The following ZNF208 variants were observed in gnomAD, a reference collection of about 807,000 sequenced individuals.
ZNF208 encodes the protein zinc finger protein 208.
A neutral mutation model predicts 12.1 loss-of-function variants in ZNF208; 10 were observed. The observed-to-expected ratio is 0.83, with a 90% CI of 0.51 to 1.40. The LOEUF (loss-of-function observed/expected upper bound fraction) is 1.40. Among genes scored for constraint, ZNF208 ranks in the 40% most tolerant of loss-of-function variants. The pLI, the probability that ZNF208 is intolerant of heterozygous loss-of-function variation, is 0.00. For missense variants in ZNF208, 1,652 were observed against 1,485.0 expected (o/e 1.11, Z -1.85); for synonymous variants, 497 against 488.4 (o/e 1.02, Z -0.23).
Position 21,971,212 on chromosome 19 carries a change from A to G in ZNF208, c.3822T>C (p.Ile1274=). The change falls in exon 4 of 4, where the codon ATT becomes ATC. Residue 1274 remains isoleucine, a synonymous_variant. Coordinates refer to ENST00000397126, the MANE Select transcript of ZNF208 (RefSeq NM_007153.3). The part of the protein sequence containing the change: ...WLSVFSKHKK[I]HTGEKL ...ATTTCTAGAGTTTCTCTCCAGTATG[A>G]ATTTTCTTATGTTTACTGAAGACTG... is the stretch of plus-strand genomic sequence containing the variant. 1 of 1,611,462 alleles carries G rather than the reference A, an allele frequency of 6.2e-7. No homozygotes were observed. Among genetic ancestry groups the G allele is most frequent in the Non-Finnish European group, 8.5e-7 (1 of 1,179,572 alleles).
chr19:21,988,460 C>T (rs1970664408), intron 2 of ZNF208, among the ~76,000 whole-genome samples: 1 of 152,012 alleles, frequency 6.6e-6, no homozygotes, highest in Non-Finnish European at 1.5e-5. Context: ...CTCCCTGGTG[C>T]CATGCTCCTT....
intron 3 of ZNF208, among the ~76,000 whole-genome samples, chr19:21,981,361 A>C (rs1001428221): frequency 4.6e-5 from 7 of 152,162 alleles, no homozygotes; most frequent in African/African-American, 1.7e-4. Context: ...CTTATCCACC[A>C]AGATCAAGTC....
intron 2 of ZNF208, among the ~76,000 whole-genome samples, chr19:21,987,585 TCTTA>T (rs1442790759): frequency 6.6e-6 from 1 of 152,148 alleles, no homozygotes; most frequent in Admixed American, 6.5e-5. Context: ...TGACCTGCTC[TCTTA>T]CTTATAAACA....
intron 4 of ZNF208, chr19:21,940,642 T>G (rs1055005706): frequency 2.0e-5 from 3 of 152,460 alleles, no homozygotes; most frequent in African/African-American, 7.2e-5. Flanking sequence ...TGGGGGATCC[T>G]GGGTCCCTCT....
At chr19:21,997,172 T>C (rs1282044296) in intron 1 of ZNF208, among the ~76,000 whole-genome samples, 1 of 152,226 alleles carries the variant, frequency 6.6e-6, no homozygotes, top group Non-Finnish European at 1.5e-5. Context: ...ACATGCATTA[T>C]AGTCAATTTG....
At chr19:21,977,904 G>A (rs547919543) in intron 3 of ZNF208, among the ~76,000 whole-genome samples, 55 of 152,260 alleles carry the variant, frequency 3.6e-4, no homozygotes, top group African/African-American at 1.3e-3. Flanking sequence ...GGGGAAGGGC[G>A]TCCGCCATTG....
chr19:21,995,110 C>A (rs1268187877), intron 1 of ZNF208, among the ~76,000 whole-genome samples: 7 of 151,978 alleles, frequency 4.6e-5, no homozygotes, highest in Non-Finnish European at 1.0e-4. Context: ...AGCCACCACA[C>A]CCAGCTAATT....
intron 1 of ZNF208, among the ~76,000 whole-genome samples, chr19:22,006,078 C>G (rs1971039539): frequency 6.6e-6 from 1 of 152,154 alleles, no homozygotes; most frequent in African/African-American, 2.4e-5. Context: ...TTCCCACAGG[C>G]TCCTGAACTC....
chr19:22,010,669 C>G (rs1206752444), intron 1 of ZNF208, 123 bp downstream of exon 1: 1 of 1,488,218 alleles, frequency 6.7e-7, no homozygotes, highest in Non-Finnish European at 9.4e-7. Flanking sequence ...TCGAGCTAGG[C>G]AAGAACTCGG....
intron 4 of ZNF208, among the ~76,000 whole-genome samples, chr19:21,943,780 T>C (rs541232907): frequency 4.6e-5 from 7 of 152,158 alleles, no homozygotes; most frequent in African/African-American, 1.7e-4. Flanking sequence ...AAAATAAACA[T>C]AAAAAGCTGA....
chr19:22,006,124 A>G (rs1971040333), intron 1 of ZNF208, among the ~76,000 whole-genome samples: 1 of 152,152 alleles, frequency 6.6e-6, no homozygotes, highest in Non-Finnish European at 1.5e-5. Flanking sequence ...ATACAACCTC[A>G]TTTTATGCTA....
intron 4 of ZNF208, among the ~76,000 whole-genome samples, chr19:21,944,376 C>T (rs1313640685): frequency 6.6e-6 from 1 of 152,120 alleles, no homozygotes; most frequent in Non-Finnish European, 1.5e-5. Context: ...CAAAAATTAG[C>T]AAAGTCACAA....
rs747838999 is a variant in ZNF208, at chr19:21,973,788, C to G, written c.1246G>C (p.Glu416Gln). Reference sequence around the variant, plus strand: ...GGTTTCTCTCCAGTATGAATGACCTCATGTTTAGTAAGGATTGAGAACATA... The same window carrying G: ...GGTTTCTCTCCAGTATGAATGACCTGATGTTTAGTAAGGATTGAGAACATA... ...FSMFSILTKH[E>Q]VIHTGEKPYK... The change falls in exon 4 of 4, where the codon GAG (glutamate) becomes CAG (glutamine). Residue 416 changes from glutamate to glutamine, a missense_variant. This residue lies in a region of ZNF208 where 1,239 missense variants were observed against 1,086.2 expected (regional missense o/e 1.14). Coordinates refer to ENST00000397126, the MANE Select transcript of ZNF208 (RefSeq NM_007153.3). 2 of 1,594,194 alleles carry G rather than the reference C, an allele frequency of 1.3e-6. No homozygotes were observed. Among genetic ancestry groups the G allele is most frequent in the East Asian group, 2.3e-5 (1 of 43,986 alleles).
intron 1 of ZNF208, chr19:21,991,632 C>T (rs1242361642): frequency 6.6e-6 from 1 of 150,750 alleles, no homozygotes; most frequent in Non-Finnish European, 1.5e-5. Context: ...CCTAGCTACT[C>T]AGGAGGCTGA....
At position 21,970,805 on chromosome 19, in the gene ZNF208, T is replaced by C. The variant is rs1338566630; in HGVS notation, c.*386A>G. 2 of 1,457,312 alleles carry C rather than the reference T, an allele frequency of 1.4e-6. No individual in the cohort carries two copies. The highest frequency in any genetic ancestry group is 3.4e-5 in the Admixed American group (2 of 58,676). 90.3% of individuals were successfully genotyped at this position (1,457,312 alleles called of 1,614,324 possible). On this transcript the variant is annotated 3_prime_UTR_variant, in exon 4 of 4. Coordinates refer to ENST00000397126, the MANE Select transcript of ZNF208 (RefSeq NM_007153.3). ...TCTCTCCAGCATGAATTTTCTTATG[T>C]TTACTAAAGACTGAGAACCAGCTGA...
At position 21,970,735 on chromosome 19, in the gene ZNF208, G is replaced by C; in HGVS notation, c.*456C>G. The C allele has an allele frequency of 3.9e-6, 5 of 1,277,626 alleles. No homozygotes were observed. The highest frequency in any genetic ancestry group is 5.7e-6 in the Non-Finnish European group (5 of 882,896). The allele number at this position is 1,277,626 out of a possible 1,614,324, so 79.1% of individuals were successfully genotyped here. On this transcript the variant is annotated 3_prime_UTR_variant, in exon 4 of 4. Coordinates refer to ENST00000397126, the MANE Select transcript of ZNF208 (RefSeq NM_007153.3). ...AATTTTCTTATGTGTAGGAGGGTTG[G>C]GAACTGTTTAAAAGCTTTGCCAAAT...
In ZNF208 at chr19:21,974,462, T is replaced by A; in HGVS notation, c.572A>T (p.His191Leu). Reference sequence around the variant, plus strand: ...ATTCTCTCTAGTATAAATTCTTTTATGTTGAGATAGGTGTGAAAGCATGCA... The same window carrying A: ...ATTCTCTCTAGTATAAATTCTTTTAAGTTGAGATAGGTGTGAAAGCATGCA... Reference protein sequence around the residue: ...SFCMLSHLSQHKRIYTRENSY... With the variant: ...SFCMLSHLSQLKRIYTRENSY... The change falls in exon 4 of 4, where the codon CAT becomes CTT. Residue 191 changes from histidine (H) to leucine (L), a missense_variant. By Grantham distance (99) the His-to-Leu change is moderately conservative (BLOSUM62 -3). Coordinates refer to ENST00000397126, the MANE Select transcript of ZNF208 (RefSeq NM_007153.3). 1 of 1,613,770 alleles carries A rather than the reference T, an allele frequency of 6.2e-7. No individual in the cohort carries two copies. The highest frequency in any genetic ancestry group is 8.5e-7 in the Non-Finnish European group (1 of 1,179,768).
At chr19:21,965,651 T>C (rs2145534826), downstream of ZNF208, 1 of 152,204 alleles carries the variant, frequency 6.6e-6, no homozygotes, top group East Asian at 1.9e-4. Flanking sequence ...AGCACTGTGG[T>C]CTTAAATAAC....
chr19:21,973,204 T>A lies in ZNF208; in HGVS notation c.1830A>T (p.Lys610Asn), dbSNP rs187756255. The A allele has an allele frequency of 4.1e-4, 664 of 1,613,684 alleles. 5 individuals carry two copies. In the African/African-American group the frequency reaches 8.2e-3, roughly 20 times the overall value. ...TAAAGGTTTTGCCACATTCTTCACA[T>A]TTGTAGGGTTTCTCACCAGTATGAA... is the stretch of plus-strand genomic sequence containing the variant. ...KRIHTGEKPY[K>N]CEECGKTFSK... The change falls in exon 4 of 4, where the codon AAA (lysine) becomes AAT (asparagine). Residue 610 changes from lysine (K) to asparagine (N), a missense_variant. By Grantham distance (94) the Lys-to-Asn change is moderately conservative. Around this residue, in one of 3 missense-constraint regions of ZNF208, gnomAD observed 1,239 missense variants for 1,086.2 expected, o/e 1.14. Coordinates refer to ENST00000397126, the MANE Select transcript of ZNF208 (RefSeq NM_007153.3).
Sources: gnomAD v4.1 joint callset for allele counts (sites outside exome capture counted in the v4.1 genomes callset) on GRCh38, gnomAD v4.1.1 for gene constraint, gnomAD v4.1.1 regional missense constraint, MANE v1.5 for transcripts, NCBI Gene and HGNC (gene_info 2026-07-23, HGNC 2026-07-21) for gene names.